Variants in KCNMA1 observed in about 807,000 individuals in gnomAD.
KCNMA1 encodes the protein Calcium-activated potassium channel subunit alpha-1.
In KCNMA1, 29 loss-of-function variants were observed where a neutral mutation model predicts 140.0. That is an observed-to-expected ratio of 0.21 (90% CI 0.15 to 0.28). The LOEUF (loss-of-function observed/expected upper bound fraction) is 0.28. KCNMA1 is among the 10% of genes least tolerant of loss of function. The pLI is 1.00. For synonymous variants in KCNMA1, 612 were observed against 611.9 expected, an observed-to-expected ratio of 1.00 and a Z score of 0.00; for missense variants, 880 against 1,602.2, an observed-to-expected ratio of 0.55 and a Z score of 7.70.
chr10:77,177,208 C>T (rs565843001), intron 5 of KCNMA1, among the ~76,000 whole-genome samples: 4 of 152,186 alleles, frequency 2.6e-5, no homozygotes, highest in Non-Finnish European at 5.9e-5. Flanking sequence ...GGTTGTGAGG[C>T]TGATGCTTGG....
At chr10:77,609,508 A>G (rs2085942115) in intron 1 of KCNMA1, among the ~76,000 whole-genome samples, 1 of 152,250 alleles carries the variant, frequency 6.6e-6, no homozygotes, top group South Asian at 2.1e-4. Flanking sequence ...AATTCAAGAC[A>G]TCTATTACTG....
chr10:77,108,709 T>C lies in KCNMA1; in HGVS notation c.1132-137A>G. On this transcript the variant is annotated intron_variant, in intron 8 of 27. Transcript: ENST00000286628. This position sits in a 1 kb window ranked among gnomAD's most constrained non-coding sequence, Gnocchi z 4.6. The stretch of plus-strand genomic sequence containing the variant: ...CAAAGGTATATATTGATATGTTGGA[T>C]CATAAAAAACTAAAAGCACGAAGAG... The C allele has an allele frequency of 2.9e-6, 2 of 699,252 alleles. No homozygotes were observed. The highest frequency in any genetic ancestry group is 5.3e-5 in the East Asian group (2 of 37,612). The allele number at this position is 699,252 out of a possible 1,614,324, so 43.3% of individuals were successfully genotyped here. A position where few individuals can be genotyped will look rare whatever the true frequency, so the allele number is the denominator to read the frequency against.
intron 2 of KCNMA1, among the ~76,000 whole-genome samples, chr10:77,281,557 G>A (rs944916532): frequency 6.6e-6 from 1 of 152,034 alleles, no homozygotes; most frequent in Non-Finnish European, 1.5e-5. Context: ...GCTGTGTCCG[G>A]GCTGACTTTA....
intron 5 of KCNMA1, chr10:77,147,838 T>C (rs988963157): frequency 3.3e-5 from 5 of 152,222 alleles, no homozygotes; most frequent in African/African-American, 1.2e-4. Flanking sequence ...TTGAGACTTT[T>C]ATCTCTGTTG....
At chr10:77,320,843 C>T (rs943021249) in intron 2 of KCNMA1, among the ~76,000 whole-genome samples, 8 of 152,200 alleles carry the variant, frequency 5.3e-5, no homozygotes, top group Admixed American at 2.6e-4. Flanking sequence ...CAGGCACTCA[C>T]GGCCTGTCCT....
At chr10:76,966,755 G>A (rs1053918743) in intron 20 of KCNMA1, among the ~76,000 whole-genome samples, 1 of 152,164 alleles carries the variant, frequency 6.6e-6, no homozygotes, top group African/African-American at 2.4e-5. Flanking sequence ...GAGAGCCGGG[G>A]ACTTGGAAGC....
chr10:77,523,858 A>G (rs931900254), intron 1 of KCNMA1, among the ~76,000 whole-genome samples: 2 of 152,198 alleles, frequency 1.3e-5, no homozygotes, highest in African/African-American at 4.8e-5. Flanking sequence ...AAATAGAAAG[A>G]ATGAATAACA....
At chr10:77,521,465 C>T (rs935431944) in intron 1 of KCNMA1, among the ~76,000 whole-genome samples, 2 of 152,188 alleles carry the variant, frequency 1.3e-5, no homozygotes, top group Non-Finnish European at 2.9e-5. Context: ...GGCTTCAATC[C>T]CAGATCCGCC....
chr10:77,597,573 C>A (rs2081300998), intron 1 of KCNMA1, among the ~76,000 whole-genome samples: 1 of 152,034 alleles, frequency 6.6e-6, no homozygotes, highest in Non-Finnish European at 1.5e-5. Flanking sequence ...TAATAAGATC[C>A]CATTTTCATT....
intron 13 of KCNMA1, among the ~76,000 whole-genome samples, chr10:77,075,779 G>A (rs758784268): frequency 6.6e-6 from 1 of 152,212 alleles, no homozygotes; most frequent in Admixed American, 6.5e-5. Context: ...GGAAATCTCT[G>A]TGCATGAAAC....
At chr10:77,555,424 A>T (rs939976313) in intron 1 of KCNMA1, among the ~76,000 whole-genome samples, 1 of 152,256 alleles carries the variant, frequency 6.6e-6, no homozygotes, top group Non-Finnish European at 1.5e-5. Flanking sequence ...AAATAACCTA[A>T]AGATTAGAAT....
At position 76,889,640 on chromosome 10, in the gene KCNMA1, A is replaced by G. The variant is rs951678739; in HGVS notation, c.3343-71T>C. 3.1e-6 allele frequency: 4 copies of G among 1,278,034 alleles called. No homozygotes were observed. In the African/African-American group the frequency reaches 4.4e-5, roughly 14 times the overall value. The allele number at this position is 1,278,034 out of a possible 1,614,324, so 79.2% of individuals were successfully genotyped here. The stretch of plus-strand genomic sequence containing the variant: ...CTGAAAATCAAGGGACAGCAGGGAA[A>G]CGGGTCTTTTCATCAAAGCTTGTTT... On this transcript the variant is annotated intron_variant, in intron 26 of 27. Coordinates refer to ENST00000286628, the MANE Select transcript of KCNMA1 (RefSeq NM_001161352.2).
Position 77,491,404 on chromosome 10 carries a change from G to A in KCNMA1, c.379-87381C>T, listed in dbSNP as rs556689648. 6.6e-5 allele frequency among the ~76,000 whole-genome samples: 10 copies of A among 152,136 alleles called. No individual in the cohort carries two copies. In the East Asian group the frequency reaches 1.6e-3, roughly 24 times the overall value. ...TTGTTCCATGGCCCAGTTTCCCCTCGGACAGCATGCTGAGTGAGATTCCCC... is the reference window on the plus strand; with the variant it reads ...TTGTTCCATGGCCCAGTTTCCCCTCAGACAGCATGCTGAGTGAGATTCCCC... On this transcript the variant is annotated intron_variant, in intron 1 of 27. Coordinates refer to ENST00000286628, the MANE Select transcript of KCNMA1 (RefSeq NM_001161352.2).
intron 1 of KCNMA1, chr10:77,636,585 G>A: frequency 6.5e-7 from 1 of 1,536,186 alleles, no homozygotes; most frequent in Non-Finnish European, 8.7e-7. Flanking sequence ...GGACGGAGTG[G>A]GAGGTTACAT....
chr10:77,525,853 A>G (rs2055409662), intron 1 of KCNMA1, among the ~76,000 whole-genome samples: 2 of 152,118 alleles, frequency 1.3e-5, no homozygotes, highest in South Asian at 4.1e-4. Flanking sequence ...CACCTCAGAT[A>G]AACTGACCCC....
At chr10:77,531,544 C>T (rs1360821842) in intron 1 of KCNMA1, among the ~76,000 whole-genome samples, 1 of 152,200 alleles carries the variant, frequency 6.6e-6, no homozygotes, top group African/African-American at 2.4e-5. Context: ...GCCAGCGCTC[C>T]TGCAAATGCA....
chr10:76,923,343 G>A (rs1367968520), intron 23 of KCNMA1, among the ~76,000 whole-genome samples: 1 of 151,848 alleles, frequency 6.6e-6, no homozygotes, highest in East Asian at 1.9e-4. Context: ...GCAGGAAAAT[G>A]GCCTGAACCC....
chr10:77,379,121 T>G (rs2095291758), intron 2 of KCNMA1, among the ~76,000 whole-genome samples: 2 of 152,208 alleles, frequency 1.3e-5, no homozygotes, highest in African/African-American at 4.8e-5. Context: ...ATGATTTCTG[T>G]GTTAAACTGA....
At position 77,049,724 on chromosome 10, in the gene KCNMA1, C is replaced by G. The variant is rs2095282783; in HGVS notation, c.1750-10087G>C. Among the ~76,000 whole-genome samples, 4 of 152,176 alleles carry G rather than the reference C, an allele frequency of 2.6e-5. No homozygotes were observed. In the South Asian group the frequency reaches 8.3e-4, roughly 32 times the overall value. ...AAGTAAGCATGAATAACTTCAATAA[C>G]TTCATAGCGTTTAGTGTTGGGGCAT... On this transcript the variant is annotated intron_variant, in intron 14 of 27. Coordinates refer to ENST00000286628, the MANE Select transcript of KCNMA1 (RefSeq NM_001161352.2).
Sources: allele counts gnomAD v4.1 joint callset (sites outside exome capture counted in the v4.1 genomes callset), GRCh38; gene constraint gnomAD v4.1.1; non-coding constraint Gnocchi (gnomAD v3.1); transcripts MANE v1.5; gene names NCBI Gene and HGNC (gene_info 2026-07-23, HGNC 2026-07-21).